Variants in LNPEP observed in about 807,000 individuals in gnomAD.
LNPEP encodes leucyl-cystinyl aminopeptidase.
Under a neutral mutation model 120.6 loss-of-function variants are expected in LNPEP, and 64 were observed. The observed-to-expected ratio is 0.53, with a 90% CI of 0.43 to 0.65. The LOEUF is 0.65. Among genes scored for constraint, LNPEP ranks in the 30% least tolerant of loss-of-function variants. The pLI is 0.00. For missense variants in LNPEP, 1,057 were observed against 1,200.0 expected (o/e 0.88, Z 1.76); for synonymous variants, 435 against 425.4 (o/e 1.02, Z -0.28).
chr5:97,027,802 A>G lies in LNPEP; in HGVS notation c.2934A>G (p.Thr978=), dbSNP rs765030000. 4 of 1,602,482 alleles carry G rather than the reference A, an allele frequency of 2.5e-6. No individual in the cohort carries two copies. The highest frequency in any genetic ancestry group is 2.2e-5 in the South Asian group (2 of 90,822). Residue 978 remains threonine, a synonymous_variant, in exon 17 of 18, where the codon ACA becomes ACG. Transcript: ENST00000231368. ...CAACTTACCTGTTTTCAACAAAGAC[A>G]CATTTATCTGAGGTTGGTTTTATAA... ...AGSTYLFSTK[T]HLSEVQAFFE...
At chr5:96,967,462 G>A (rs866576320) in intron 1 of LNPEP, among the ~76,000 whole-genome samples, 4 of 151,926 alleles carry the variant, frequency 2.6e-5, no homozygotes, top group African/African-American at 9.7e-5. Flanking sequence ...TATATTTTAT[G>A]TCTTCTAAAC....
At chr5:96,939,829 T>C (rs1409738699) in intron 1 of LNPEP, among the ~76,000 whole-genome samples, 3 of 152,196 alleles carry the variant, frequency 2.0e-5, no homozygotes, top group African/African-American at 7.2e-5. Context: ...TTCCATCTTT[T>C]AATCTTACAA....
intron 2 of LNPEP, among the ~76,000 whole-genome samples, chr5:96,983,280 T>G (rs1191415024): frequency 6.6e-6 from 1 of 150,886 alleles, no homozygotes; most frequent in Non-Finnish European, 1.5e-5. Flanking sequence ...TGTGCTATAT[T>G]GATTGGTACC....
intron 1 of LNPEP, among the ~76,000 whole-genome samples, chr5:96,975,829 G>A (rs997153071): frequency 6.6e-6 from 1 of 152,038 alleles, no homozygotes; most frequent in Admixed American, 6.6e-5. Flanking sequence ...TTGCACATTG[G>A]CACTGGTCCA....
intron 9 of LNPEP, among the ~76,000 whole-genome samples, chr5:97,004,153 T>C (rs1193489000): frequency 6.6e-6 from 1 of 152,252 alleles, no homozygotes; most frequent in Non-Finnish European, 1.5e-5. Context: ...GTATACTGAC[T>C]GCAAAACCCT....
At chr5:96,951,020 T>C (rs1164239561) in intron 1 of LNPEP, among the ~76,000 whole-genome samples, 2 of 152,120 alleles carry the variant, frequency 1.3e-5, no homozygotes, top group African/African-American at 4.8e-5. Flanking sequence ...GCCACCATAG[T>C]TAGTTTCTGG....
intron 1 of LNPEP, among the ~76,000 whole-genome samples, chr5:96,965,686 G>T (rs1420326406): frequency 2.0e-5 from 3 of 152,112 alleles, no homozygotes; most frequent in Admixed American, 2.0e-4. Context: ...TAGCCCTTTA[G>T]TTGTGGGCAT....
intron 11 of LNPEP, among the ~76,000 whole-genome samples, chr5:97,011,869 A>G (rs1180205370): frequency 6.6e-6 from 1 of 152,220 alleles, no homozygotes; most frequent in African/African-American, 2.4e-5. Context: ...CATCTTAAAC[A>G]TCTTTTGCAG....
At chr5:97,005,488 C>T (rs1790758046) in intron 9 of LNPEP, among the ~76,000 whole-genome samples, 1 of 151,998 alleles carries the variant, frequency 6.6e-6, no homozygotes, top group African/African-American at 2.4e-5. Flanking sequence ...AGTAGTTTAC[C>T]ACTGTTTTCT....
chr5:96,971,853 A>G (rs1429459314), intron 1 of LNPEP, among the ~76,000 whole-genome samples: 1 of 152,024 alleles, frequency 6.6e-6, no homozygotes, highest in East Asian at 1.9e-4. Context: ...TGATGGGGAT[A>G]CAATTGAAAA....
rs555479699 is a variant in LNPEP at position 96,985,125 on chromosome 5, T to C, written c.906T>C (p.Ala302=). Residue 302 remains alanine (A), a synonymous_variant, in exon 3 of 18, where the codon GCT becomes GCC. Transcript: ENST00000231368. ...TQFEPLAARS[A]FPCFDEPAFK... ...TTGAACCCCTGGCAGCAAGATCTGC[T>C]TTTCCTTGTTTTGATGAACCAGCAT... 10 of 1,613,904 alleles carry C rather than the reference T, an allele frequency of 6.2e-6. No homozygotes were observed. The Admixed American group carries it at 1.5e-4, about 24-fold the overall frequency.
chr5:96,954,430 G>C (rs1789391517), intron 1 of LNPEP, among the ~76,000 whole-genome samples: 1 of 151,840 alleles, frequency 6.6e-6, no homozygotes, highest in African/African-American at 2.4e-5. Context: ...GACCTTGTAT[G>C]GTTCCTTTGT....
In LNPEP at chr5:97,015,016, C is replaced by A; in HGVS notation, c.2297C>A (p.Thr766Asn). The A allele has an allele frequency of 6.2e-7, 1 of 1,604,794 alleles. No individual in the cohort carries two copies. Among genetic ancestry groups the A allele is most frequent in the Non-Finnish European group, 8.5e-7 (1 of 1,175,180 alleles). Residue 766 changes from threonine to asparagine, a missense_variant, in exon 13 of 18, where the codon ACC becomes AAC. Coordinates refer to ENST00000231368, the MANE Select transcript of LNPEP (RefSeq NM_005575.3). ...AATGAGAACCATACTGCACCCATCACCGAAGCCCTGTTTCAGACAGACCTC... is the reference window on the plus strand; with the variant it reads ...AATGAGAACCATACTGCACCCATCAACGAAGCCCTGTTTCAGACAGACCTC... ...LGNENHTAPI[T>N]EALFQTDLIY...
At chr5:96,983,918 C>T (rs1002154479) in intron 2 of LNPEP, among the ~76,000 whole-genome samples, 10 of 152,128 alleles carry the variant, frequency 6.6e-5, no homozygotes, top group Non-Finnish European at 1.3e-4. Context: ...GGTTTGGTAT[C>T]GTGAAGCCAG....
chr5:97,010,833 T>C, intron 11 of LNPEP: 6 of 985,458 alleles, frequency 6.1e-6, no homozygotes, highest in Non-Finnish European at 7.2e-6. Context: ...ACTTCCCTTG[T>C]GTGCAAAGCT....
rs573680949 is a variant in LNPEP at position 96,951,558 on chromosome 5, G to T, written c.19+15384G>T. The stretch of plus-strand genomic sequence containing the variant: ...CAGGCGTGAGCCACCGCACCTGGCG[G>T]GGGGTTAGTGCTTTAATATGTGAAT... On this transcript the variant is annotated intron_variant, in intron 1 of 17. Coordinates refer to ENST00000231368, the MANE Select transcript of LNPEP (RefSeq NM_005575.3). Among the ~76,000 whole-genome samples, 5 of 152,162 alleles carry T rather than the reference G, an allele frequency of 3.3e-5. No individual in the cohort carries two copies. In the South Asian group the frequency reaches 1.0e-3, roughly 32 times the overall value.
intron 11 of LNPEP, among the ~76,000 whole-genome samples, chr5:97,008,092 A>T (rs1790827962): frequency 6.6e-6 from 1 of 152,170 alleles, no homozygotes; most frequent in Non-Finnish European, 1.5e-5. Context: ...CAAAACTCTA[A>T]CTTTGAATGA....
intron 14 of LNPEP, among the ~76,000 whole-genome samples, chr5:97,023,437 A>AGAGAC (rs1791263299): frequency 6.6e-6 from 1 of 152,110 alleles, no homozygotes; most frequent in Admixed American, 6.6e-5. Context: ...TATATTTAGT[A>AGAGAC]GAGACGGGGT....
intron 6 of LNPEP, 102 bp from the exon 7 acceptor site, chr5:96,996,288 G>A: frequency 1.5e-6 from 1 of 681,928 alleles, no homozygotes; most frequent in Non-Finnish European, 2.6e-6. Context: ...TTAAGATATT[G>A]TAATCAGGTT....
Sources: gnomAD v4.1 joint callset for allele counts (sites outside exome capture counted in the v4.1 genomes callset) on GRCh38, gnomAD v4.1.1 for gene constraint, MANE v1.5 for transcripts, NCBI Gene and HGNC (gene_info 2026-07-23, HGNC 2026-07-21) for gene names.